Variants in BTK observed in about 807,000 individuals in gnomAD.
The protein encoded by BTK is Bruton tyrosine kinase, also known as tyrosine-protein kinase BTK.
BTK carries 5 observed loss-of-function variants against 57.4 expected under a neutral mutation model. That is an observed-to-expected ratio of 0.09 (90% CI 0.05 to 0.18). BTK has a LOEUF of 0.18. Ranked by LOEUF, BTK falls within the 10% of genes least tolerant of loss-of-function variation. The pLI is 1.00. For missense variants in BTK, 194 were observed against 501.2 expected, an observed-to-expected ratio of 0.39 and a Z score of 5.85; for synonymous variants, 154 against 174.3, an observed-to-expected ratio of 0.88 and a Z score of 0.92.
At position 101,358,353 on chromosome X, in the gene BTK, G is replaced by A. The variant is rs2147429866; in HGVS notation, c.1059C>T (p.Ser353=). The change falls in exon 12 of 19, where the codon AGC becomes AGT. Residue 353 remains serine, a synonymous_variant. Coordinates refer to ENST00000308731, the MANE Select transcript of BTK (RefSeq NM_000061.3). ...QYYLAEKHLF[S]TIPELINYHQ... is the part of the protein sequence containing the mutation. ...GGTAGTTAATGAGCTCAGGGATGGT[G>A]CTGAAAAGGTGCTTCTCAGCCAGGT... 8.3e-7 allele frequency: 1 copy of A among 1,212,020 alleles called. No homozygotes were observed.
chrX:101,382,900 T>C (rs1240634368), intron 1 of BTK, among the ~76,000 whole-genome samples: 1 of 111,316 alleles, frequency 9.0e-6, no homozygotes. Flanking sequence ...TGCAGTGGGG[T>C]GCACCTGTAG....
chrX:101,366,995 G>A (rs1468646898), intron 5 of BTK, among the ~76,000 whole-genome samples: 1 of 112,256 alleles, frequency 8.9e-6, no homozygotes, highest in Non-Finnish European at 1.9e-5. Context: ...TGTAATCTCA[G>A]CACATTGGGA....
intron 1 of BTK, among the ~76,000 whole-genome samples, chrX:101,377,634 C>A (rs1343723224): frequency 9.0e-6 from 1 of 111,361 alleles, no homozygotes; most frequent in African/African-American, 3.3e-5. Context: ...CTTCTGGAAG[C>A]TGCCTCTACT....
chrX:101,349,808 G>A lies in BTK; in HGVS notation c.*77C>T. The A allele has an allele frequency of 2.1e-6, 2 of 964,437 alleles. No individual in the cohort carries two copies. Among genetic ancestry groups the A allele is most frequent in the Non-Finnish European group, 3.0e-6 (2 of 672,400 alleles). 79.5% of individuals were successfully genotyped at this position (964,437 alleles called of 1,213,427 possible). A position where few individuals can be genotyped will look rare whatever the true frequency, so the allele number is the denominator to read the frequency against. ...AGCACAAAGGCTCCAGGGCTCCTAA[G>A]CTTGGGATTTCCTCTGAGAAAGTGA... On this transcript the variant is annotated 3_prime_UTR_variant, in exon 19 of 19. Coordinates refer to ENST00000308731, the MANE Select transcript of BTK (RefSeq NM_000061.3).
At chrX:101,352,019 C>T (rs1330817219) in intron 18 of BTK, among the ~76,000 whole-genome samples, 2 of 109,652 alleles carry the variant, frequency 1.8e-5, no homozygotes, top group African/African-American at 6.7e-5. Flanking sequence ...AAAAATTAGC[C>T]GGGCGTGGTG....
intron 12 of BTK, 22 bp downstream of exon 12, chrX:101,358,288 C>A (rs1455414551): frequency 8.3e-6 from 10 of 1,210,180 alleles, no homozygotes; most frequent in Non-Finnish European, 1.1e-5. Flanking sequence ...TAACTCCCTT[C>A]TCAGTTGCCC....
chrX:101,366,766 A>G (rs1249550880), intron 5 of BTK, among the ~76,000 whole-genome samples: 1 of 112,044 alleles, frequency 8.9e-6, no homozygotes, highest in Non-Finnish European at 1.9e-5. Context: ...TTGGTGAAAC[A>G]TAAGGGAAGA....
At chrX:101,380,474 A>T (rs1927373073) in intron 1 of BTK, among the ~76,000 whole-genome samples, 1 of 110,981 alleles carries the variant, frequency 9.0e-6, no homozygotes. Context: ...TAACATTACA[A>T]TCTTGGACTC....
chrX:101,382,754 A>G (rs1223006988), intron 1 of BTK, among the ~76,000 whole-genome samples: 3 of 111,677 alleles, frequency 2.7e-5, no homozygotes, highest in Non-Finnish European at 5.6e-5. Context: ...TCTGAGGGTG[A>G]CTGCTGGGGT....
rs1334785192 is a variant in BTK, at chrX:101,371,459, T to C, written c.309+174A>G. ...AAGAAACTATGTTAGATTAGGTAAA[T>C]AGAAAAGCAAACATTCTTAGCCCAT... On this transcript the variant is annotated intron_variant, in intron 4 of 18. Transcript: ENST00000308731. Among the ~76,000 whole-genome samples the C allele has an allele frequency of 8.9e-5, 10 of 111,943 alleles. 1 individual carries two copies. Among genetic ancestry groups the C allele is most frequent in the African/African-American group, 3.2e-4 (10 of 30,789 alleles).
At chrX:101,352,758 G>A (rs1926330509) in intron 18 of BTK, among the ~76,000 whole-genome samples, 1 of 111,085 alleles carries the variant, frequency 9.0e-6, no homozygotes, top group Non-Finnish European at 1.9e-5. Context: ...AATTAGCTGG[G>A]CACGGTGGCA....
chrX:101,381,670 G>A (rs1555981756), intron 1 of BTK, among the ~76,000 whole-genome samples: 1 of 111,709 alleles, frequency 9.0e-6, no homozygotes, highest in African/African-American at 3.3e-5. Flanking sequence ...TCCTAGGTAC[G>A]TTTTCATATT....
At chrX:101,351,827 C>G (rs1487326336) in intron 18 of BTK, among the ~76,000 whole-genome samples, 3 of 111,362 alleles carry the variant, frequency 2.7e-5, no homozygotes, top group African/African-American at 9.8e-5. Context: ...AACAAAAAAC[C>G]CACTACCTGT....
chrX:101,374,659 A>G, intron 2 of BTK, 25 bp from the exon 3 acceptor site: 1 of 1,124,815 alleles, frequency 8.9e-7, no homozygotes, highest in Non-Finnish European at 1.2e-6. Flanking sequence ...GAGGAAGAAA[A>G]TGGAGAAAGA....
intron 1 of BTK, among the ~76,000 whole-genome samples, chrX:101,380,643 T>G (rs1927378359): frequency 9.0e-6 from 1 of 111,284 alleles, no homozygotes; most frequent in African/African-American, 3.3e-5. Context: ...TGTTTATCAT[T>G]CCTAGGTATG....
chrX:101,360,632 C>A lies in BTK; in HGVS notation c.712G>T (p.Gly238Cys), dbSNP rs1555978486. The A allele has an allele frequency of 8.3e-7, 1 of 1,211,542 alleles. No homozygotes were observed. Among genetic ancestry groups the A allele is most frequent in the Non-Finnish European group, 1.1e-6 (1 of 895,468 alleles). Residue 238 changes from glycine (G) to cysteine (C), a missense_variant, in exon 8 of 19, where the codon GGT (glycine) becomes TGT (cysteine). Physicochemically the swap from Gly to Cys is radical, Grantham distance 159 (BLOSUM62 -3). This residue lies in a region of BTK where 115 missense variants were observed against 258.3 expected (regional missense o/e 0.45). Transcript: ENST00000308731. ...TCCTCCAAGATAAAATATTCATCAC[C>A]CTTCCGCAGCTGTAGATCATTTGCA... is the stretch of plus-strand genomic sequence containing the variant. ...MNANDLQLRK[G>C]DEYFILEESN...
rs782103814 is a variant in BTK at position 101,356,967 on chromosome X, GTCT to G, written c.1178-15_1178-13del. The G allele has an allele frequency of 8.3e-7, 1 of 1,209,622 alleles. No homozygotes were observed. The highest frequency in any genetic ancestry group is 3.0e-5 in the East Asian group (1 of 33,858). On this transcript the variant is annotated splice_polypyrimidine_tract_variant and intron_variant, in intron 13 of 18. Transcript: ENST00000308731. Reference sequence around the variant, plus strand: ...AATTTCCCATGATCCTAACAATAAAGTCTTGGTGTGATTCTTTGGGGTCATGAA... The same window carrying G: ...AATTTCCCATGATCCTAACAATAAAGTGGTGTGATTCTTTGGGGTCATGAA...
At position 101,375,186 on chromosome X, in the gene BTK, G is replaced by A. The variant is rs781848670; in HGVS notation, c.99C>T (p.Thr33=). ...LNFKKRLFLL[T]VHKLSYYEYD... is the part of the protein sequence containing the mutation. ...ACTCATAGTAGGAGAGTTTGTGCAC[G>A]GTCAAGAGAAACAGGCGCTTCTTGA... The change falls in exon 2 of 19, where the codon ACC becomes ACT. Residue 33 remains threonine (T), a synonymous_variant. Transcript: ENST00000308731. 2.1e-5 allele frequency: 25 copies of A among 1,211,485 alleles called. No individual in the cohort carries two copies. The highest frequency in any genetic ancestry group is 2.7e-5 in the Non-Finnish European group (24 of 895,274).
Position 101,359,385 on chromosome X carries a change from A to T in BTK, c.840-38T>A, listed in dbSNP as rs782030031. ...AGTGCTGCTTGAGTGGCTCCTGGTCATAAGCAGATTGGAGGTTACAGCACC... is the reference window on the plus strand; with the variant it reads ...AGTGCTGCTTGAGTGGCTCCTGGTCTTAAGCAGATTGGAGGTTACAGCACC... On this transcript the variant is annotated intron_variant, in intron 9 of 18. Coordinates refer to ENST00000308731, the MANE Select transcript of BTK (RefSeq NM_000061.3). The T allele has an allele frequency of 6.8e-6, 8 of 1,183,563 alleles. No homozygotes were observed. The African/African-American group carries it at 1.4e-4, about 21-fold the overall frequency.
Sources: allele counts gnomAD v4.1 joint callset (sites outside exome capture counted in the v4.1 genomes callset), GRCh38; gene constraint gnomAD v4.1.1; regional missense constraint gnomAD v4.1.1; transcripts MANE v1.5; gene names NCBI Gene and HGNC (gene_info 2026-07-23, HGNC 2026-07-21).